Variants in ANKRD26 observed in about 807,000 individuals in gnomAD.
ANKRD26 encodes ankyrin repeat domain-containing protein 26.
In ANKRD26, 141 loss-of-function variants were observed where a neutral mutation model predicts 208.7. The ratio of observed to expected loss-of-function variants is 0.68; its 90% CI spans 0.59 to 0.78. The LOEUF is 0.78. Among genes scored for constraint, ANKRD26 ranks in the 30% least tolerant of loss-of-function variants. ANKRD26 has a pLI of 0.00. For synonymous variants in ANKRD26, 636 were observed against 660.4 expected (o/e 0.96, Z 0.57); for missense variants, 1,889 against 1,938.7 (o/e 0.97, Z 0.48).
intron 4 of ANKRD26, among the ~76,000 whole-genome samples, chr10:26,998,430 A>G (rs1026339049): frequency 2.0e-5 from 3 of 152,030 alleles, no homozygotes; most frequent in African/African-American, 2.4e-5. Flanking sequence ...TTGTCATTCT[A>G]TTGGGCCTTT....
chr10:27,013,290 G>C (rs2053179823), intron 31 of ANKRD26, among the ~76,000 whole-genome samples, 180 bp from the exon 32 acceptor site: 1 of 152,112 alleles, frequency 6.6e-6, no homozygotes, highest in African/African-American at 2.4e-5. Context: ...TTTTTAGACT[G>C]TTCTAAAGAA....
chr10:27,030,248 C>A (rs1333742551), intron 25 of ANKRD26: 3 of 335,130 alleles, frequency 9.0e-6, no homozygotes, highest in Admixed American at 6.5e-5. Context: ...CCAGAATACA[C>A]CCCTAGTACT....
intron 4 of ANKRD26, among the ~76,000 whole-genome samples, chr10:27,091,570 C>G (rs1003252561): frequency 1.3e-5 from 2 of 152,122 alleles, no homozygotes; most frequent in African/African-American, 4.8e-5. Flanking sequence ...AAGAAAGCAA[C>G]TTAAAGCAAA....
In ANKRD26 at chr10:27,016,575, C is replaced by CT. The variant is rs1175298653; in HGVS notation, c.4506+926dup. 2.5e-5 allele frequency among the ~76,000 whole-genome samples: 3 copies of CT among 121,238 alleles called. No homozygotes were observed. In the South Asian group the frequency reaches 8.1e-4, roughly 33 times the overall value. 79.5% of individuals were successfully genotyped at this position (121,238 alleles called of 152,430 possible). The stretch of plus-strand genomic sequence containing the variant: ...TACAGGCATGAGCCACCGTGCCCAG[C>CT]TTTGTTTTTTTTTTTTTAAGGCAAA... On this transcript the variant is annotated intron_variant, in intron 30 of 33. Transcript: ENST00000376087.
At chr10:27,029,233 C>T (rs2053780834) in intron 26 of ANKRD26, 53 bp downstream of exon 26, 2 of 1,536,238 alleles carry the variant, frequency 1.3e-6, no homozygotes, top group Admixed American at 1.9e-5. Flanking sequence ...TACTACACTG[C>T]TTATTTGCTC....
intron 17 of ANKRD26, among the ~76,000 whole-genome samples, chr10:27,047,725 A>C (rs12221147): frequency 0.2 from 27,714 of 138,526 alleles, 2,994 homozygotes; most frequent in East Asian, 0.49. Context: ...ACTACTACTA[A>C]TAATAATAAT....
At position 27,048,693 on chromosome 10, in the gene ANKRD26, C is replaced by T. The variant is rs901805708; in HGVS notation, c.1814+108G>A. On this transcript the variant is annotated intron_variant, in intron 17 of 33. Transcript: ENST00000376087. ...CTAATTGCAAGGCAAGGTTGCATAT[C>T]CCTTGCATAGTAAAAGTATAAAATT... 6 of 1,170,690 alleles carry T rather than the reference C, an allele frequency of 5.1e-6. No homozygotes were observed. In the Admixed American group the frequency reaches 7.8e-5, roughly 15 times the overall value. The allele number at this position is 1,170,690 out of a possible 1,614,324, so 72.5% of individuals were successfully genotyped here.
At chr10:27,094,369 CCA>C (rs34530008) in intron 1 of ANKRD26, among the ~76,000 whole-genome samples, 12,090 of 152,172 alleles carry the variant, frequency 0.079, 688 homozygotes, top group East Asian at 0.28. Context: ...TTACTACTCA[CCA>C]CATTAATGAA....
In ANKRD26 at chr10:27,014,558, T is replaced by C; in HGVS notation, c.4660A>G (p.Lys1554Glu). The change falls in exon 31 of 34, where the codon AAA becomes GAA. Residue 1554 changes from lysine (K) to glutamate (E), a missense_variant. Physicochemically the swap from Lys to Glu is moderately conservative, Grantham distance 56. This residue lies in a region of ANKRD26 where 613 missense variants were observed against 648.2 expected (regional missense o/e 0.95). Coordinates refer to ENST00000376087, the MANE Select transcript of ANKRD26 (RefSeq NM_014915.3). Reference sequence around the variant, plus strand: ...TCTTCTAGATAGAGTTGCTTATATTTTTCCAGTTCGGTTTTATTAAAGTCT... The same window carrying C: ...TCTTCTAGATAGAGTTGCTTATATTCTTCCAGTTCGGTTTTATTAAAGTCT... Reference protein sequence around the residue: ...QEDFNKTELEKYKQLYLEELK... With the variant: ...QEDFNKTELEEYKQLYLEELK... 1 of 1,605,076 alleles carries C rather than the reference T, an allele frequency of 6.2e-7. No individual in the cohort carries two copies. Among genetic ancestry groups the C allele is most frequent in the East Asian group, 2.2e-5 (1 of 44,724 alleles).
chr10:26,966,155 T>G, the ANKRD26 span, among the ~76,000 whole-genome samples: 1 of 152,168 alleles, frequency 6.6e-6, no homozygotes, highest in African/African-American at 2.4e-5. Context: ...GGGCTATAAG[T>G]CATTCTACTA....
chr10:27,085,108 G>GT (rs1554794727), intron 5 of ANKRD26, among the ~76,000 whole-genome samples: 391 of 145,882 alleles, frequency 2.7e-3, no homozygotes, highest in African/African-American at 8.4e-3. Flanking sequence ...TTTTTTGTTT[G>GT]TTTTTTTTTT....
Position 27,077,423 on chromosome 10 carries a change from T to C in ANKRD26, c.992A>G (p.Gln331Arg), listed in dbSNP as rs1252446780. The change falls in exon 9 of 34, where the codon CAG becomes CGG. Residue 331 changes from glutamine (Q) to arginine (R), a missense_variant. This residue lies in a region of ANKRD26 where 1,272 missense variants were observed against 1,273.8 expected (regional missense o/e 1.00). Transcript: ENST00000376087. ...ESLPTTSIKV[Q>R]CFSHPTYQSP... is the part of the protein sequence containing the mutation. ...TTGATAGGTAGGATGAGAAAAGCAC[T>C]GGACTTTGATTGATGTTGTAGGAAG... 2 of 1,613,970 alleles carry C rather than the reference T, an allele frequency of 1.2e-6. No homozygotes were observed. The highest frequency in any genetic ancestry group is 1.3e-5 in the African/African-American group (1 of 74,930).
downstream of ANKRD26, among the ~76,000 whole-genome samples, chr10:26,971,890 G>A (rs2052148042): frequency 1.3e-5 from 2 of 151,982 alleles, no homozygotes; most frequent in Admixed American, 6.6e-5. Flanking sequence ...TGCAGTTTCT[G>A]CCTTCCATAA....
chr10:27,059,557 C>G (rs1455004332), intron 15 of ANKRD26, among the ~76,000 whole-genome samples: 4 of 152,104 alleles, frequency 2.6e-5, no homozygotes, highest in African/African-American at 4.8e-5. Flanking sequence ...AAAAGGACCC[C>G]AAAGTCAAAA....
intron 9 of ANKRD26, among the ~76,000 whole-genome samples, chr10:27,070,664 T>C (rs1476436824): frequency 6.6e-6 from 1 of 152,002 alleles, no homozygotes; most frequent in East Asian, 1.9e-4. Flanking sequence ...AATCATCTTC[T>C]AGAGATTTTT....
In ANKRD26 at chr10:27,067,238, T is replaced by A; in HGVS notation, c.1126A>T (p.Ile376Phe). Residue 376 changes from isoleucine to phenylalanine, a missense_variant, in exon 10 of 34, where the codon ATT becomes TTT. Coordinates refer to ENST00000376087, the MANE Select transcript of ANKRD26 (RefSeq NM_014915.3). ...GIAKKENGID[I>F]IESAPLEQTN... Reference sequence around the variant, plus strand: ...TGCTCTAGTGGAGCACTTTCAATAATATCAATACCATTTTCTTTTTTTGCA... The same window carrying A: ...TGCTCTAGTGGAGCACTTTCAATAAAATCAATACCATTTTCTTTTTTTGCA... The A allele has an allele frequency of 6.2e-7, 1 of 1,613,882 alleles. No individual in the cohort carries two copies. Among genetic ancestry groups the A allele is most frequent in the East Asian group, 2.2e-5 (1 of 44,868 alleles).
At position 27,032,418 on chromosome 10, in the gene ANKRD26, T is replaced by A. The variant is rs1023374750; in HGVS notation, c.3807+807A>T. 1.6e-4 allele frequency among the ~76,000 whole-genome samples: 24 copies of A among 152,222 alleles called. 1 individual carries two copies. Among genetic ancestry groups the A allele is most frequent in the Admixed American group, 1.3e-3 (20 of 15,296 alleles). Reference sequence around the variant, plus strand: ...GGGAGGCCGAGGGGGGTGGATCACCTGAGGTTAGGAGTTTGAGACCAGCCT... The same window carrying A: ...GGGAGGCCGAGGGGGGTGGATCACCAGAGGTTAGGAGTTTGAGACCAGCCT... On this transcript the variant is annotated intron_variant, in intron 25 of 33. Coordinates refer to ENST00000376087, the MANE Select transcript of ANKRD26 (RefSeq NM_014915.3).
chr10:27,032,446 C>A (rs1260453812), intron 25 of ANKRD26, among the ~76,000 whole-genome samples: 1 of 152,046 alleles, frequency 6.6e-6, no homozygotes, highest in Non-Finnish European at 1.5e-5. Context: ...ACCAGCCTGG[C>A]CAACATGGCA....
intron 16 of ANKRD26, among the ~76,000 whole-genome samples, chr10:27,049,405 A>G (rs977968759): frequency 6.6e-6 from 1 of 152,208 alleles, no homozygotes; most frequent in African/African-American, 2.4e-5. Context: ...AGCCAGGAAG[A>G]GAAAGGAATC....
Sources: gnomAD v4.1 joint callset for allele counts (sites outside exome capture counted in the v4.1 genomes callset) on GRCh38, gnomAD v4.1.1 for gene constraint, gnomAD v4.1.1 regional missense constraint, MANE v1.5 for transcripts, NCBI Gene and HGNC (gene_info 2026-07-23, HGNC 2026-07-21) for gene names.